The following PARD3 variants were observed in gnomAD, a reference collection of about 807,000 sequenced individuals.
PARD3 encodes the protein par-3 family cell polarity regulator.
In PARD3, 75 loss-of-function variants were observed where a neutral mutation model predicts 155.4. The observed-to-expected ratio is 0.48, with a 90% CI of 0.40 to 0.58. The LOEUF is 0.58. Ranked by LOEUF, PARD3 falls within the 20% of genes least tolerant of loss-of-function variation. The pLI, the probability that PARD3 is intolerant of heterozygous loss-of-function variation, is 0.00. For synonymous variants in PARD3, 576 were observed against 610.5 expected, an observed-to-expected ratio of 0.94 and a Z score of 0.83; for missense variants, 1,642 against 1,721.7, an observed-to-expected ratio of 0.95 and a Z score of 0.82.
chr10:34,528,094 T>C (rs1321645918), intron 2 of PARD3, among the ~76,000 whole-genome samples: 1 of 152,224 alleles, frequency 6.6e-6, no homozygotes, highest in Non-Finnish European at 1.5e-5. Context: ...ATAAATATTG[T>C]GTGCCCATCT....
intron 2 of PARD3, among the ~76,000 whole-genome samples, chr10:34,549,069 A>G (rs1474362000): frequency 6.6e-6 from 1 of 152,244 alleles, no homozygotes; most frequent in African/African-American, 2.4e-5. Flanking sequence ...GTGTGTTTGT[A>G]GCCGATATTT....
chr10:34,769,661 A>T (rs914132028), intron 1 of PARD3, among the ~76,000 whole-genome samples: 1 of 151,886 alleles, frequency 6.6e-6, no homozygotes, highest in Non-Finnish European at 1.5e-5. Flanking sequence ...AGGAGGCTGA[A>T]GTGGGAGGAT....
At chr10:34,519,220 T>C (rs965372576) in intron 2 of PARD3, among the ~76,000 whole-genome samples, 1 of 152,042 alleles carries the variant, frequency 6.6e-6, no homozygotes, top group African/African-American at 2.4e-5. Context: ...AAAAAGGGCA[T>C]TAGTGAAAAA....
intron 20 of PARD3, among the ~76,000 whole-genome samples, chr10:34,295,165 A>G (rs923357561): frequency 4.6e-5 from 7 of 152,350 alleles, no homozygotes; most frequent in African/African-American, 1.4e-4. Context: ...CAGGATGTAC[A>G]GCACTAAATA....
rs1016574901 is a variant in PARD3 at position 34,808,644 on chromosome 10, G to A, written c.120+6232C>T. ...ATCTTACATGTTTATTTCCATCCTT[G>A]ATAAAAAATACCGAGGGCTCTAATC... On this transcript the variant is annotated intron_variant, in intron 1 of 24. Transcript: ENST00000374788. 2.6e-5 allele frequency among the ~76,000 whole-genome samples: 4 copies of A among 151,918 alleles called. No homozygotes were observed. In the East Asian group the frequency reaches 5.8e-4, roughly 22 times the overall value.
At chr10:34,623,517 G>A (rs1208886131) in intron 2 of PARD3, among the ~76,000 whole-genome samples, 1 of 152,120 alleles carries the variant, frequency 6.6e-6, no homozygotes, top group African/African-American at 2.4e-5. Flanking sequence ...GTGTTTTACT[G>A]TCTTAATAAA....
chr10:34,594,114 T>C (rs1386037939), intron 2 of PARD3, among the ~76,000 whole-genome samples: 3 of 152,142 alleles, frequency 2.0e-5, no homozygotes, highest in African/African-American at 7.2e-5. Context: ...TTTTTGCACC[T>C]CAGAGAAAGC....
chr10:34,527,740 GT>G (rs1490821857), intron 2 of PARD3, among the ~76,000 whole-genome samples: 1 of 152,150 alleles, frequency 6.6e-6, no homozygotes, highest in Non-Finnish European at 1.5e-5. Context: ...TTTGTAAAAT[GT>G]AAGGTTAATA....
At position 34,435,456 on chromosome 10, in the gene PARD3, AAT is replaced by A. The variant is rs1212338356; in HGVS notation, c.714+14859_714+14860del. Among the ~76,000 whole-genome samples the A allele has an allele frequency of 2.0e-5, 3 of 152,320 alleles. No homozygotes were observed. The East Asian group carries it at 5.8e-4, about 29-fold the overall frequency. On this transcript the variant is annotated intron_variant, in intron 5 of 24. Coordinates refer to ENST00000374788, the MANE Select transcript of PARD3 (RefSeq NM_001184785.2). Reference sequence around the variant, plus strand: ...AGAAAGAGAAAGACTGCCAGATCCAAATAGGTAGTAAGATAATGAGAATACAA... The same window carrying A: ...AGAAAGAGAAAGACTGCCAGATCCAAAGGTAGTAAGATAATGAGAATACAA...
chr10:34,756,081 A>T (rs10740895), intron 1 of PARD3, among the ~76,000 whole-genome samples: 102,347 of 150,410 alleles, frequency 0.68, 34,908 homozygotes, highest in Non-Finnish European at 0.72. Context: ...TCTGGGTTGA[A>T]ATCACTGTAC....
chr10:34,447,804 C>CAAAAAAAAAAA (rs59698806), intron 5 of PARD3, among the ~76,000 whole-genome samples: 3,441 of 143,460 alleles, frequency 0.024, 171 homozygotes, highest in African/African-American at 0.084. Context: ...GACTCTGTCT[C>CAAAAAAAAAAA]AAAAGAAAGA....
intron 2 of PARD3, among the ~76,000 whole-genome samples, chr10:34,574,783 A>T (rs1341104945): frequency 6.6e-6 from 1 of 152,216 alleles, no homozygotes; most frequent in Non-Finnish European, 1.5e-5. Context: ...AAGAACAATC[A>T]TAAGCCTGGA....
intron 2 of PARD3, among the ~76,000 whole-genome samples, chr10:34,628,836 C>T (rs1019710372): frequency 3.3e-5 from 5 of 152,156 alleles, no homozygotes; most frequent in African/African-American, 4.8e-5. Context: ...AGAAAAATGA[C>T]GAACAAGAAA....
chr10:34,367,432 G>A (rs551266694), intron 12 of PARD3, among the ~76,000 whole-genome samples: 135 of 152,302 alleles, frequency 8.9e-4, no homozygotes, highest in Middle Eastern at 3.4e-3. Context: ...CTGGCCAGGC[G>A]CAGTGGCTCA....
chr10:34,194,491 A>C lies in PARD3; in HGVS notation c.3420-62908T>G, dbSNP rs182806932. Among the ~76,000 whole-genome samples the C allele has an allele frequency of 2.0e-5, 3 of 152,272 alleles. No homozygotes were observed. The South Asian group carries it at 6.2e-4, about 32-fold the overall frequency. On this transcript the variant is annotated intron_variant, in intron 22 of 24. Coordinates refer to ENST00000374788, the MANE Select transcript of PARD3 (RefSeq NM_001184785.2). ...AAAAACAGATGCTGCACTTGAGATG[A>C]TCTCTCTAAAGTAAACAAATTAGGG...
chr10:34,476,813 A>G (rs1015256910), intron 3 of PARD3, among the ~76,000 whole-genome samples: 1 of 152,250 alleles, frequency 6.6e-6, no homozygotes, highest in African/African-American at 2.4e-5. Context: ...AAAGTACGAC[A>G]AGCAACACAG....
intron 1 of PARD3, among the ~76,000 whole-genome samples, chr10:34,744,799 T>G (rs1052292730): frequency 2.0e-5 from 3 of 152,076 alleles, no homozygotes; most frequent in Non-Finnish European, 4.4e-5. Context: ...TGCCAAAATT[T>G]TAAATAAAAA....
At chr10:34,699,870 G>GTT (rs1208173937) in intron 1 of PARD3, among the ~76,000 whole-genome samples, 2 of 152,050 alleles carry the variant, frequency 1.3e-5, no homozygotes, top group African/African-American at 4.8e-5. Context: ...GTGAGGCCCC[G>GTT]TCTCTTAGGG....
chr10:34,159,995 T>C (rs931983817), intron 22 of PARD3, among the ~76,000 whole-genome samples: 4 of 152,220 alleles, frequency 2.6e-5, no homozygotes, highest in Non-Finnish European at 4.4e-5. Flanking sequence ...GTTAATAGCA[T>C]CAAGGGTGCA....
Sources: gnomAD v4.1 joint callset for allele counts (sites outside exome capture counted in the v4.1 genomes callset) on GRCh38, gnomAD v4.1.1 for gene constraint, MANE v1.5 for transcripts, NCBI Gene and HGNC (gene_info 2026-07-23, HGNC 2026-07-21) for gene names.